Variants in DNM3 observed in about 807,000 individuals in gnomAD.
The protein encoded by DNM3 is dynamin 3, also known as dynamin-3.
Under a neutral mutation model 101.6 loss-of-function variants are expected in DNM3, and 47 were observed. The observed-to-expected ratio is 0.46, with a 90% CI of 0.37 to 0.59. The LOEUF is 0.59. Among genes scored for constraint, DNM3 ranks in the 20% least tolerant of loss-of-function variants. The pLI is 0.00. For synonymous variants in DNM3, 385 were observed against 387.9 expected, an observed-to-expected ratio of 0.99 and a Z score of 0.09; for missense variants, 849 against 1,085.7, an observed-to-expected ratio of 0.78 and a Z score of 3.06.
chr1:172,160,940 A>G (rs1043068288), intron 14 of DNM3, among the ~76,000 whole-genome samples: 2 of 151,974 alleles, frequency 1.3e-5, no homozygotes, highest in East Asian at 1.9e-4. Flanking sequence ...TGGTACCACC[A>G]TTGTATATGC....
intron 12 of DNM3, among the ~76,000 whole-genome samples, chr1:172,089,011 G>A (rs1472479344): frequency 2.0e-5 from 3 of 152,172 alleles, no homozygotes; most frequent in South Asian, 4.1e-4. Flanking sequence ...TAGTGTTCTG[G>A]CAAAGCCTTC....
At chr1:172,096,610 G>A (rs2147848153) in intron 13 of DNM3, among the ~76,000 whole-genome samples, 1 of 152,344 alleles carries the variant, frequency 6.6e-6, no homozygotes, top group East Asian at 1.9e-4. Flanking sequence ...GCTCTTCACA[G>A]AGAAAGGAGC....
chr1:171,957,555 C>G (rs2042948255), intron 2 of DNM3, among the ~76,000 whole-genome samples: 1 of 152,174 alleles, frequency 6.6e-6, no homozygotes, highest in South Asian at 2.1e-4. Flanking sequence ...CTTTTATGCT[C>G]TGTTTCCCTT....
chr1:172,146,555 C>CT (rs2057911453), intron 14 of DNM3, among the ~76,000 whole-genome samples: 1 of 152,174 alleles, frequency 6.6e-6, no homozygotes, highest in Non-Finnish European at 1.5e-5. Flanking sequence ...ACTCACCTCC[C>CT]TTTTTTCCCT....
At chr1:172,325,946 C>T (rs1027409558) in intron 17 of DNM3, among the ~76,000 whole-genome samples, 1 of 152,186 alleles carries the variant, frequency 6.6e-6, no homozygotes, top group Non-Finnish European at 1.5e-5. Flanking sequence ...AGTGCACACA[C>T]ATGTGCACAT....
intron 17 of DNM3, chr1:172,338,684 G>C (rs1015632116): frequency 8.3e-6 from 3 of 361,430 alleles, no homozygotes; most frequent in African/African-American, 2.1e-5. Flanking sequence ...CAGCCCACCA[G>C]GTGCGCCCTG....
At chr1:172,322,081 A>T (rs991115345) in intron 16 of DNM3, among the ~76,000 whole-genome samples, 1 of 152,186 alleles carries the variant, frequency 6.6e-6, no homozygotes, top group African/African-American at 2.4e-5. Flanking sequence ...TTTATTAAAT[A>T]TGATGGTCCC....
At chr1:171,904,176 G>C (rs1286375753) in intron 1 of DNM3, among the ~76,000 whole-genome samples, 4 of 151,594 alleles carry the variant, frequency 2.6e-5, no homozygotes, top group African/African-American at 9.7e-5. Flanking sequence ...AGCCAGCGTG[G>C]TGTCACGCAC....
Position 172,123,722 on chromosome 1 carries a change from G to A in DNM3, c.1546-7453G>A, listed in dbSNP as rs184536968. Among the ~76,000 whole-genome samples the A allele has an allele frequency of 1.0e-3, 159 of 152,246 alleles. 5 individuals are homozygous for A. Among genetic ancestry groups the A allele is most frequent in the Admixed American group, 0.01 (158 of 15,266 alleles). ...GTGAGAAGTCACTTTACTCCTCCTG[G>A]GGAGGACTGAGTGAGGAAACAACAA... is the stretch of plus-strand genomic sequence containing the variant. On this transcript the variant is annotated intron_variant, in intron 13 of 20. Coordinates refer to ENST00000627582, the MANE Select transcript of DNM3 (RefSeq NM_015569.5).
chr1:171,968,542 G>T (rs1416406553), intron 2 of DNM3, among the ~76,000 whole-genome samples: 1 of 152,154 alleles, frequency 6.6e-6, no homozygotes, highest in Non-Finnish European at 1.5e-5. Context: ...GCTAGCACTG[G>T]CTTGTTTGGA....
At chr1:171,858,905 G>A (rs2033889138) in intron 1 of DNM3, among the ~76,000 whole-genome samples, 1 of 152,138 alleles carries the variant, frequency 6.6e-6, no homozygotes, top group African/African-American at 2.4e-5. Context: ...CTGAGTACAA[G>A]TTGTCATCAT....
At chr1:172,119,286 C>A (rs2056143942) in intron 13 of DNM3, among the ~76,000 whole-genome samples, 1 of 152,092 alleles carries the variant, frequency 6.6e-6, no homozygotes, top group Non-Finnish European at 1.5e-5. Flanking sequence ...GCCACCACAC[C>A]TGGCCAGTTG....
intron 2 of DNM3, among the ~76,000 whole-genome samples, chr1:171,932,789 G>A (rs1019595193): frequency 9.9e-5 from 15 of 152,062 alleles, no homozygotes; most frequent in African/African-American, 3.6e-4. Context: ...AATTTATTCA[G>A]TAAATACTCA....
intron 15 of DNM3, among the ~76,000 whole-genome samples, chr1:172,273,345 G>A (rs1261706954): frequency 2.0e-5 from 3 of 151,690 alleles, no homozygotes; most frequent in Non-Finnish European, 4.4e-5. Flanking sequence ...TAAACATAAG[G>A]AAAATACATT....
chr1:171,999,760 T>G (rs189094614), intron 4 of DNM3, among the ~76,000 whole-genome samples: 16 of 152,186 alleles, frequency 1.1e-4, no homozygotes, highest in African/African-American at 3.4e-4. Context: ...GATATCTTTA[T>G]AAGAGAAAAG....
At chr1:172,042,947 A>G (rs954969944) in intron 8 of DNM3, among the ~76,000 whole-genome samples, 1 of 152,170 alleles carries the variant, frequency 6.6e-6, no homozygotes. Flanking sequence ...TGAGGAGAAC[A>G]GTAGGCCAGA....
intron 15 of DNM3, among the ~76,000 whole-genome samples, chr1:172,276,308 G>A (rs1347405190): frequency 6.6e-6 from 1 of 151,366 alleles, no homozygotes; most frequent in Non-Finnish European, 1.5e-5. Flanking sequence ...CCTGCCTGAT[G>A]GGGGAATTTG....
At chr1:171,963,455 A>G (rs951559028) in intron 2 of DNM3, among the ~76,000 whole-genome samples, 1 of 152,124 alleles carries the variant, frequency 6.6e-6, no homozygotes, top group Non-Finnish European at 1.5e-5. Context: ...GGTGGATACA[A>G]CATTTGTCAA....
intron 17 of DNM3, among the ~76,000 whole-genome samples, chr1:172,352,221 A>G (rs553558551): frequency 1.3e-5 from 2 of 152,234 alleles, no homozygotes; most frequent in Non-Finnish European, 2.9e-5. Context: ...ATTCCAATTT[A>G]TTGATTTGCA....
Sources: gnomAD v4.1 joint callset for allele counts (sites outside exome capture counted in the v4.1 genomes callset) on GRCh38, gnomAD v4.1.1 for gene constraint, MANE v1.5 for transcripts, NCBI Gene and HGNC (gene_info 2026-07-23, HGNC 2026-07-21) for gene names.